The following NAV3 variants were observed in gnomAD, a reference collection of about 807,000 sequenced individuals.
NAV3 encodes the protein neuron navigator 3, also known as pore membrane and/or filament interacting like protein 1.
NAV3 carries 87 observed loss-of-function variants against 244.7 expected under a neutral mutation model. That is an observed-to-expected ratio of 0.36 (90% confidence interval 0.30 to 0.42). The LOEUF (loss-of-function observed/expected upper bound fraction) is 0.42. Among genes scored for constraint, NAV3 ranks in the 20% least tolerant of loss-of-function variants. The probability of loss-of-function intolerance (pLI) is 1.00; values close to 1 mark genes in which losing one functional copy is unlikely to be tolerated. For synonymous variants in NAV3, 1,126 were observed against 1,042.2 expected (o/e 1.08, Z -1.55); for missense variants, 2,663 against 2,893.3 (o/e 0.92, Z 1.83).
intron 1 of NAV3, among the ~76,000 whole-genome samples, chr12:77,908,611 C>CT (rs1356016413): frequency 6.6e-6 from 1 of 151,882 alleles, no homozygotes; most frequent in Admixed American, 6.6e-5. Flanking sequence ...GAATTTTGTA[C>CT]TTTTTTTCCC....
chr12:77,658,406 G>A (rs944008852), intron 2 of NAV3, among the ~76,000 whole-genome samples: 43 of 149,578 alleles, frequency 2.9e-4, no homozygotes, highest in Admixed American at 7.3e-4. Flanking sequence ...TACAAGGGAC[G>A]TGAAGGACCT....
At chr12:77,662,621 G>C (rs711131) in intron 2 of NAV3, among the ~76,000 whole-genome samples, 2 of 151,828 alleles carry the variant, frequency 1.3e-5, no homozygotes, top group African/African-American at 4.8e-5. Flanking sequence ...GGATTTTTGC[G>C]TAAATTTCTC....
chr12:78,148,860 A>G lies in NAV3; in HGVS notation c.4726A>G (p.Arg1576Gly). The change falls in exon 22 of 40, where the codon AGA becomes GGA. Residue 1576 changes from arginine (R) to glycine (G), a missense_variant. This residue lies in a region of NAV3 where 48 missense variants were observed against 90.0 expected (regional missense o/e 0.53). Transcript: ENST00000397909. ...AHSEQIHKLR[R>G]ELVASQEKVA... Reference sequence around the variant, plus strand: ...CATTCAGCAAATCCATAAACTGCGGAGAGAGCTGGTTGCATCACAAGAAAA... The same window carrying G: ...CATTCAGCAAATCCATAAACTGCGGGGAGAGCTGGTTGCATCACAAGAAAA... 1 of 1,612,692 alleles carries G rather than the reference A, an allele frequency of 6.2e-7. No individual in the cohort carries two copies.
intron 12 of NAV3, among the ~76,000 whole-genome samples, chr12:78,078,411 T>TC (rs1453839753): frequency 8.7e-5 from 9 of 103,360 alleles, no homozygotes; most frequent in African/African-American, 2.9e-4. Flanking sequence ...TTTTTTTTTT[T>TC]TTGAGACGGA....
At chr12:78,068,879 A>C (rs1369457280) in intron 12 of NAV3, among the ~76,000 whole-genome samples, 1 of 151,686 alleles carries the variant, frequency 6.6e-6, no homozygotes, top group Non-Finnish European at 1.5e-5. Flanking sequence ...TCATGATGAG[A>C]GATATCCTAG....
chr12:77,602,044 A>G (rs979346880), intron 2 of NAV3, among the ~76,000 whole-genome samples: 3 of 152,036 alleles, frequency 2.0e-5, no homozygotes, highest in African/African-American at 7.2e-5. Flanking sequence ...TGTCAGCCAA[A>G]CACTGCAGGT....
chr12:77,623,805 A>T (rs1011846252), intron 2 of NAV3, among the ~76,000 whole-genome samples: 1 of 152,260 alleles, frequency 6.6e-6, no homozygotes, highest in Non-Finnish European at 1.5e-5. Flanking sequence ...GGGGAGAATT[A>T]TAGATGAAAG....
chr12:78,092,585 C>G (rs185404008), intron 12 of NAV3, among the ~76,000 whole-genome samples: 1 of 148,240 alleles, frequency 6.7e-6, no homozygotes, highest in African/African-American at 2.5e-5. Flanking sequence ...CTGCAATCTC[C>G]GCCTCCCGGG....
intron 1 of NAV3, among the ~76,000 whole-genome samples, chr12:77,870,193 C>T (rs150215903): frequency 8.4e-4 from 128 of 151,742 alleles, no homozygotes; most frequent in African/African-American, 2.8e-3. Context: ...GGTGAAACCC[C>T]GTCTCAACTA....
chr12:78,061,959 C>T (rs1423833899), intron 12 of NAV3, among the ~76,000 whole-genome samples: 1 of 152,006 alleles, frequency 6.6e-6, no homozygotes. Flanking sequence ...AAATTTTATT[C>T]TACTAAAAAC....
At chr12:78,160,869 CCCTT>C (rs1480765514) in intron 23 of NAV3, among the ~76,000 whole-genome samples, 1 of 151,412 alleles carries the variant, frequency 6.6e-6, no homozygotes, top group Non-Finnish European at 1.5e-5. Flanking sequence ...CTCCTTCCCT[CCCTT>C]CCTTCCTTTT....
At chr12:77,691,335 G>C (rs60120302) in intron 2 of NAV3, among the ~76,000 whole-genome samples, 12 of 103,456 alleles carry the variant, frequency 1.2e-4, no homozygotes, top group Non-Finnish European at 1.9e-5. Context: ...TTGTGTATGT[G>C]TGTATATATA....
chr12:77,587,786 A>T (rs555646698), intron 2 of NAV3, among the ~76,000 whole-genome samples: 1 of 152,214 alleles, frequency 6.6e-6, no homozygotes, highest in Non-Finnish European at 1.5e-5. Flanking sequence ...GGTAGACTGA[A>T]GTAGAAGCAT....
intron 38 of NAV3, among the ~76,000 whole-genome samples, chr12:78,201,023 C>T (rs1353151461): frequency 2.7e-5 from 4 of 147,836 alleles, no homozygotes; most frequent in African/African-American, 1.0e-4. Context: ...TCCCCCTCCC[C>T]ACTCTCTCTC....
At chr12:77,755,007 A>T (rs1482573990) in intron 2 of NAV3, among the ~76,000 whole-genome samples, 1 of 152,238 alleles carries the variant, frequency 6.6e-6, no homozygotes, top group Non-Finnish European at 1.5e-5. Context: ...TTTTATCAAT[A>T]TCGGGAAAAG....
intron 9 of NAV3, among the ~76,000 whole-genome samples, chr12:78,042,438 A>C (rs773256004): frequency 2.2e-4 from 34 of 152,228 alleles, no homozygotes; most frequent in Non-Finnish European, 4.1e-4. Flanking sequence ...AAAACCATTC[A>C]ATGTTTGTCA....
chr12:78,106,461 C>A (rs1410673390), intron 12 of NAV3, among the ~76,000 whole-genome samples: 1 of 152,086 alleles, frequency 6.6e-6, no homozygotes, highest in Non-Finnish European at 1.5e-5. Flanking sequence ...GATTGAGAGA[C>A]AATATTGTTA....
chr12:77,758,715 A>T (rs897305345), intron 2 of NAV3, among the ~76,000 whole-genome samples: 1 of 152,216 alleles, frequency 6.6e-6, no homozygotes, highest in African/African-American at 2.4e-5. Flanking sequence ...GTCTGTTTAA[A>T]ATATAAAATA....
intron 2 of NAV3, among the ~76,000 whole-genome samples, chr12:77,730,853 C>T (rs1479619423): frequency 6.6e-6 from 1 of 150,668 alleles, no homozygotes; most frequent in Non-Finnish European, 1.5e-5. Flanking sequence ...ATCTTAACAG[C>T]TTTCACAAGT....
Sources: allele counts gnomAD v4.1 joint callset (sites outside exome capture counted in the v4.1 genomes callset), GRCh38; gene constraint gnomAD v4.1.1; regional missense constraint gnomAD v4.1.1; transcripts MANE v1.5; gene names NCBI Gene and HGNC (gene_info 2026-07-23, HGNC 2026-07-21).